Variants in FA2H observed in about 807,000 individuals in gnomAD.
FA2H encodes the protein fatty acid alpha-hydroxylase.
FA2H carries 22 observed loss-of-function variants against 44.9 expected under a neutral mutation model. That is an observed-to-expected ratio of 0.49 (90% CI 0.35 to 0.70). FA2H has a LOEUF of 0.70. Among genes scored for constraint, FA2H ranks in the 30% least tolerant of loss-of-function variants. The probability of loss-of-function intolerance (pLI) is 0.01; values close to 1 mark genes in which losing one functional copy is unlikely to be tolerated. For missense variants in FA2H, 501 were observed against 504.9 expected (o/e 0.99, Z 0.07); for synonymous variants, 243 against 213.2 (o/e 1.14, Z -1.22).
At chr16:74,764,866 A>ATT (rs569459822) in intron 1 of FA2H, among the ~76,000 whole-genome samples, 7 of 152,166 alleles carry the variant, frequency 4.6e-5, no homozygotes, top group Non-Finnish European at 1.0e-4. Context: ...GGACATACCT[A>ATT]TGAGTGTCAC....
At chr16:74,716,255 C>T (rs1961693576) in intron 6 of FA2H, 92 bp downstream of exon 6, 1 of 1,461,260 alleles carries the variant, frequency 6.8e-7, no homozygotes, top group Non-Finnish European at 9.4e-7. Context: ...GTACATGGAA[C>T]AGTGCCTTGC....
chr16:74,738,214 A>G (rs986816939), intron 2 of FA2H, among the ~76,000 whole-genome samples: 1 of 152,136 alleles, frequency 6.6e-6, no homozygotes, highest in African/African-American at 2.4e-5. Context: ...GTGAGTGTGT[A>G]GAGAGAGAAT....
chr16:74,774,706 T>C lies in FA2H; in HGVS notation c.50A>G (p.Gln17Arg), dbSNP rs1597577820. The C allele has an allele frequency of 2.2e-6, 3 of 1,362,728 alleles. No homozygotes were observed. The highest frequency in any genetic ancestry group is 2.8e-6 in the Non-Finnish European group (3 of 1,065,744). 84.4% of individuals were successfully genotyped at this position (1,362,728 alleles called of 1,614,324 possible). A position where few individuals can be genotyped will look rare whatever the true frequency, so the allele number is the denominator to read the frequency against. Reference sequence around the variant, plus strand: ...GCACGCGCCGGCCGCCAGGCGCCGCTGGACCTCGGAGGGCGAGAAGGAGGC... The same window carrying C: ...GCACGCGCCGGCCGCCAGGCGCCGCCGGACCTCGGAGGGCGAGAAGGAGGC... ...PAASFSPSEV[Q>R]RRLAAGACWV... is the part of the protein sequence containing the mutation. Residue 17 changes from glutamine to arginine, a missense_variant, in exon 1 of 7, where the codon CAG becomes CGG. Coordinates refer to ENST00000219368, the MANE Select transcript of FA2H (RefSeq NM_024306.5).
chr16:74,745,801 T>A (rs1427903087), intron 1 of FA2H, among the ~76,000 whole-genome samples: 1 of 4,240 alleles, frequency 2.4e-4, no homozygotes, highest in East Asian at 7.4e-3. Flanking sequence ...GTCAATGGAT[T>A]TTTTTTTTTT....
At chr16:74,762,392 T>C (rs1962730746) in intron 1 of FA2H, among the ~76,000 whole-genome samples, 1 of 152,196 alleles carries the variant, frequency 6.6e-6, no homozygotes, top group African/African-American at 2.4e-5. Flanking sequence ...CCAACACGAC[T>C]TGACTCATTA....
chr16:74,727,765 C>G (rs1049913346), intron 2 of FA2H, among the ~76,000 whole-genome samples: 8 of 152,182 alleles, frequency 5.3e-5, no homozygotes, highest in African/African-American at 9.7e-5. Context: ...GTGATGATAT[C>G]TGAGCATCCA....
intron 1 of FA2H, among the ~76,000 whole-genome samples, chr16:74,743,771 C>G (rs190603706): frequency 5.1e-4 from 78 of 152,288 alleles, no homozygotes; most frequent in African/African-American, 1.8e-3. Flanking sequence ...AAGCAAGGTG[C>G]TTTCCTGGGT....
intron 1 of FA2H, among the ~76,000 whole-genome samples, chr16:74,768,423 G>C (rs1215575516): frequency 6.6e-6 from 1 of 152,164 alleles, no homozygotes; most frequent in East Asian, 1.9e-4. Context: ...GGTGAGACTC[G>C]ACTGGCACCA....
rs1159270463 is a variant in FA2H, at chr16:74,774,478, G to A, written c.270+8C>T. The A allele has an allele frequency of 4.0e-6, 6 of 1,506,596 alleles. No individual in the cohort carries two copies. Among genetic ancestry groups the A allele is most frequent in the Admixed American group, 4.1e-5 (2 of 49,370 alleles). 93.3% of individuals were successfully genotyped at this position (1,506,596 alleles called of 1,614,324 possible). A position where few individuals can be genotyped will look rare whatever the true frequency, so the allele number is the denominator to read the frequency against. On this transcript the variant is annotated splice_region_variant and intron_variant, in intron 1 of 6. Coordinates refer to ENST00000219368, the MANE Select transcript of FA2H (RefSeq NM_024306.5). ...GGGTTGGGGTGGGGGGCCCCGGCCC[G>A]GCTGTACCTGCTGCTCCCCGCGGAG...
intron 2 of FA2H, 36 bp from the exon 3 acceptor site, chr16:74,727,422 C>T (rs1292364126): frequency 1.2e-6 from 2 of 1,608,658 alleles, no homozygotes; most frequent in Non-Finnish European, 1.7e-6. Context: ...GTTTGATATT[C>T]ACGTCTTCCC....
In FA2H at chr16:74,719,029, G is replaced by A. The variant is rs1054114951; in HGVS notation, c.745C>T (p.Leu249Phe). 1 of 1,613,994 alleles carries A rather than the reference G, an allele frequency of 6.2e-7. No homozygotes were observed. Among genetic ancestry groups the A allele is most frequent in the Non-Finnish European group, 8.5e-7 (1 of 1,180,042 alleles). The stretch of plus-strand genomic sequence containing the variant: ...TGCATGACGAAGTGCAGCATGATGA[G>A]GTAATAGCTGTCGCTGGGGGGCTTC... ...HMKPPSDSYYLIMLHFVMHGQ... is the reference protein window; with the variant it reads ...HMKPPSDSYYFIMLHFVMHGQ... The change falls in exon 5 of 7, where the codon CTC becomes TTC. Residue 249 changes from leucine (L) to phenylalanine (F), a missense_variant. Leu to Phe is a conservative substitution (Grantham distance 22). Coordinates refer to ENST00000219368, the MANE Select transcript of FA2H (RefSeq NM_024306.5).
intron 1 of FA2H, among the ~76,000 whole-genome samples, chr16:74,744,654 A>C (rs1475528071): frequency 6.6e-6 from 1 of 151,636 alleles, no homozygotes; most frequent in Non-Finnish European, 1.5e-5. Context: ...GTCTTGATCT[A>C]TTGCTCAGGC....
At chr16:74,723,647 C>A (rs866057995) in intron 4 of FA2H, among the ~76,000 whole-genome samples, 3 of 152,134 alleles carry the variant, frequency 2.0e-5, no homozygotes, top group African/African-American at 7.2e-5. Flanking sequence ...CTGGGCTGGT[C>A]TGGTTGGTGA....
intron 1 of FA2H, among the ~76,000 whole-genome samples, chr16:74,748,527 G>A (rs1409369691): frequency 2.0e-5 from 3 of 152,020 alleles, no homozygotes; most frequent in Non-Finnish European, 4.4e-5. Context: ...AGCCCACTCC[G>A]AGGGCTGTTC....
chr16:74,728,822 C>T lies in FA2H; in HGVS notation c.364-1436G>A, dbSNP rs1340954969. On this transcript the variant is annotated intron_variant, in intron 2 of 6. Coordinates refer to ENST00000219368, the MANE Select transcript of FA2H (RefSeq NM_024306.5). ...TTTTTGAGACAGAGTCTCGTTCTGT[C>T]GCCAGGCTGGAGTGCAGTGGCATGA... Among the ~76,000 whole-genome samples the T allele has an allele frequency of 2.4e-5, 3 of 122,720 alleles. 1 individual carries two copies. In the South Asian group the frequency reaches 7.9e-4, roughly 32 times the overall value. The allele number at this position is 122,720 out of a possible 152,430, so 80.5% of individuals were successfully genotyped here. A position where few individuals can be genotyped will look rare whatever the true frequency, so the allele number is the denominator to read the frequency against.
At chr16:74,715,544 C>T (rs537753768) in intron 6 of FA2H, among the ~76,000 whole-genome samples, 2 of 152,308 alleles carry the variant, frequency 1.3e-5, no homozygotes, top group South Asian at 2.1e-4. Context: ...CCCCTGCCTC[C>T]GCCTCCTATA....
chr16:74,735,887 G>A (rs1271102672), intron 2 of FA2H, among the ~76,000 whole-genome samples: 1 of 152,210 alleles, frequency 6.6e-6, no homozygotes, highest in Non-Finnish European at 1.5e-5. Flanking sequence ...GGAAGCTGAG[G>A]TGGGAGGATG....
At chr16:74,739,358 A>G (rs1962246641) in intron 2 of FA2H, among the ~76,000 whole-genome samples, 1 of 152,028 alleles carries the variant, frequency 6.6e-6, no homozygotes, top group Non-Finnish European at 1.5e-5. Context: ...GACCCCCTCC[A>G]GTGACCCCCT....
chr16:74,756,361 G>A (rs981036844), intron 1 of FA2H, among the ~76,000 whole-genome samples: 7 of 152,064 alleles, frequency 4.6e-5, no homozygotes, highest in Non-Finnish European at 8.8e-5. Context: ...CTGCTTGGAC[G>A]GACAACCACT....
Sources: gnomAD v4.1 joint callset for allele counts (sites outside exome capture counted in the v4.1 genomes callset) on GRCh38, gnomAD v4.1.1 for gene constraint, MANE v1.5 for transcripts, NCBI Gene and HGNC (gene_info 2026-07-23, HGNC 2026-07-21) for gene names.